MYO18A: variants seen among roughly 807,000 people sequenced by gnomAD.
The protein encoded by MYO18A is unconventional myosin-XVIIIa.
MYO18A carries 78 observed loss-of-function variants against 235.8 expected under a neutral mutation model. The ratio of observed to expected loss-of-function variants is 0.33; its 90% CI spans 0.28 to 0.40. MYO18A has a LOEUF of 0.40. Ranked by LOEUF, MYO18A falls within the 10% of genes least tolerant of loss-of-function variation. The pLI is 1.00. For synonymous variants in MYO18A, 977 were observed against 1,077.8 expected (o/e 0.91, Z 1.83); for missense variants, 2,215 against 2,699.3 (o/e 0.82, Z 3.98).
At chr17:29,114,319 C>A (rs1297810979) in intron 14 of MYO18A, 6 of 537,618 alleles carry the variant, frequency 1.1e-5, no homozygotes, top group African/African-American at 1.9e-5. Context: ...AAGCCAGAGT[C>A]ACATTCTCAT....
chr17:29,125,235 C>T lies in MYO18A; in HGVS notation c.1000-2982G>A, dbSNP rs903934042. Among the ~76,000 whole-genome samples the T allele has an allele frequency of 3.3e-5, 5 of 152,186 alleles. No individual in the cohort carries two copies. Among genetic ancestry groups the T allele is most frequent in the Non-Finnish European group, 5.9e-5 (4 of 68,034 alleles). ...GGCCAAGGGCTGTGTTCAGAGCTGT[C>T]GCCCTGCACCTCTCATAGAACACAG... On this transcript the variant is annotated intron_variant, in intron 2 of 41. Coordinates refer to ENST00000527372, the MANE Select transcript of MYO18A (RefSeq NM_078471.4). The surrounding 1 kb of genome is among the most constrained non-coding windows in gnomAD (Gnocchi z 5.1).
At chr17:29,131,762 G>A (rs778466212) in intron 2 of MYO18A, among the ~76,000 whole-genome samples, 1 of 152,252 alleles carries the variant, frequency 6.6e-6, no homozygotes, top group African/African-American at 2.4e-5. Flanking sequence ...TTACGTGGCA[G>A]ATGGGAAGAT....
chr17:29,083,092 G>A (rs2066159456), intron 40 of MYO18A, among the ~76,000 whole-genome samples: 1 of 139,622 alleles, frequency 7.2e-6, no homozygotes, highest in Non-Finnish European at 1.6e-5. Context: ...GGGGGCGGGG[G>A]GCATCAGCAT....
intron 2 of MYO18A, among the ~76,000 whole-genome samples, chr17:29,156,418 G>T (rs1041220575): frequency 6.6e-6 from 1 of 152,198 alleles, no homozygotes; most frequent in African/African-American, 2.4e-5. Flanking sequence ...CCTGCTCCTG[G>T]ATGCCCACAG....
chr17:29,093,063 A>G, intron 32 of MYO18A, 62 bp from the exon 33 acceptor site: 1 of 1,558,970 alleles, frequency 6.4e-7, no homozygotes, highest in Admixed American at 1.9e-5. Context: ...TATCTTCCCC[A>G]AGCTCCCTCC....
chr17:29,103,493 G>A (rs962175004), intron 21 of MYO18A, 106 bp downstream of exon 21: 26 of 1,130,260 alleles, frequency 2.3e-5, no homozygotes, highest in Middle Eastern at 5.2e-4. Flanking sequence ...AGGGCACCAG[G>A]AGACTGGTGA....
In MYO18A at chr17:29,166,689, A is replaced by C; in HGVS notation, c.252T>G (p.Asp84Glu). 6.2e-7 allele frequency: 1 copy of C among 1,613,720 alleles called. No individual in the cohort carries two copies. The highest frequency in any genetic ancestry group is 8.5e-7 in the Non-Finnish European group (1 of 1,179,850). ...CCAGGATGACGCTGCCCCGGTTACT[A>C]TCGGAGTCAATGTCAGTCAGGTGCA... ...SDLHLTDIDS[D>E]SNRGSVILDS... Residue 84 changes from aspartate to glutamate, a missense_variant, in exon 2 of 42, where the codon GAT (aspartate) becomes GAG (glutamate). Coordinates refer to ENST00000527372, the MANE Select transcript of MYO18A (RefSeq NM_078471.4).
intron 34 of MYO18A, chr17:29,091,403 A>G (rs571212166): frequency 8.1e-4 from 265 of 325,916 alleles, no homozygotes; most frequent in African/African-American, 5.4e-3. Flanking sequence ...TCCTTGGGGG[A>G]GGGGAAGAGA....
chr17:29,089,758 G>A (rs1457038247), intron 37 of MYO18A, among the ~76,000 whole-genome samples: 1 of 152,246 alleles, frequency 6.6e-6, no homozygotes, highest in Non-Finnish European at 1.5e-5. Flanking sequence ...GAAACAGAAT[G>A]TAAAGCAGGC....
rs1285839121 is a variant in MYO18A at position 29,103,602 on chromosome 17, G to A, written c.3504C>T (p.Ser1168=). ...GCCCTCCTGTGGGACAACTCACCCG[G>A]CTCAGGCCCATGCAGCAGCTGCTCT... The part of the protein sequence containing the change: ...LEKSSCCMGL[S]RVFFRAGTLA... Residue 1168 remains serine, a synonymous_variant, in exon 21 of 42, where the codon AGC becomes AGT. Coordinates refer to ENST00000527372, the MANE Select transcript of MYO18A (RefSeq NM_078471.4). 7 of 1,613,760 alleles carry A rather than the reference G, an allele frequency of 4.3e-6. No individual in the cohort carries two copies. The highest frequency in any genetic ancestry group is 1.7e-5 in the Admixed American group (1 of 60,008).
rs961885119 is a variant in MYO18A at position 29,114,849 on chromosome 17, C to T, written c.2511+58G>A. ...TGCCTTCTGCATCCACAGATGCCCT[C>T]GCTGTGGGTGCCAAGGCCAGAATCT... On this transcript the variant is annotated intron_variant, in intron 14 of 41. Transcript: ENST00000527372. 5.8e-6 allele frequency: 9 copies of T among 1,538,924 alleles called. No individual in the cohort carries two copies. The South Asian group carries it at 6.2e-5, about 11-fold the overall frequency.
chr17:29,096,758 C>T lies in MYO18A; in HGVS notation c.4385+3G>A, dbSNP rs2066527777. 3 of 1,595,166 alleles carry T rather than the reference C, an allele frequency of 1.9e-6. No homozygotes were observed. The highest frequency in any genetic ancestry group is 1.7e-6 in the Non-Finnish European group (2 of 1,169,904). ...CTGGGCCCAGGGCAGGGGGCCCACC[C>T]ACCTCCTCTGCTTCTTCTCCAGTTC... On this transcript the variant is annotated splice_donor_region_variant and intron_variant, in intron 28 of 41. Coordinates refer to ENST00000527372, the MANE Select transcript of MYO18A (RefSeq NM_078471.4).
intron 1 of MYO18A, among the ~76,000 whole-genome samples, chr17:29,170,277 C>A (rs1182746178): frequency 6.6e-6 from 1 of 152,198 alleles, no homozygotes; most frequent in Non-Finnish European, 1.5e-5. Flanking sequence ...CCACCATAAT[C>A]TTCACAGCTC....
chr17:29,087,770 G>C (rs2066290849), intron 37 of MYO18A, among the ~76,000 whole-genome samples: 2 of 151,846 alleles, frequency 1.3e-5, no homozygotes, highest in South Asian at 4.1e-4. Context: ...AAAAGAGCCA[G>C]GCTGCAGGAT....
intron 15 of MYO18A, among the ~76,000 whole-genome samples, chr17:29,112,830 C>T (rs1472121900): frequency 6.6e-6 from 1 of 152,190 alleles, no homozygotes; most frequent in Admixed American, 6.5e-5. Context: ...AGGGAGTTGG[C>T]GTGATTACCA....
At chr17:29,119,475 C>A in intron 7 of MYO18A, 40 bp from the exon 8 acceptor site, 1 of 1,512,390 alleles carries the variant, frequency 6.6e-7, no homozygotes, top group Non-Finnish European at 9.0e-7. Flanking sequence ...GAGGGTAGTG[C>A]CAGATCAAGT....
chr17:29,124,429 C>G (rs2067271400), intron 2 of MYO18A, among the ~76,000 whole-genome samples: 1 of 152,242 alleles, frequency 6.6e-6, no homozygotes, highest in South Asian at 2.1e-4. Flanking sequence ...GACACTCGGT[C>G]TAGATGCTCC....
intron 30 of MYO18A, chr17:29,094,443 A>T (rs1598290866): frequency 1.6e-6 from 1 of 623,710 alleles, no homozygotes; most frequent in East Asian, 2.7e-5. Flanking sequence ...GCTCCATCAG[A>T]TTTGTTTTTG....
At position 29,142,877 on chromosome 17, in the gene MYO18A, G is replaced by A. The variant is rs570641600; in HGVS notation, c.1000-20624C>T. Among the ~76,000 whole-genome samples the A allele has an allele frequency of 5.9e-5, 9 of 152,302 alleles. No homozygotes were observed. In the East Asian group the frequency reaches 9.6e-4, roughly 16 times the overall value. ...GGCTGGAGTACAGTGGCTCCATCTC[G>A]GCTCACTGCAACCTCCGCCTCCCAG... On this transcript the variant is annotated intron_variant, in intron 2 of 41. Transcript: ENST00000527372.
Sources: gnomAD v4.1 joint callset for allele counts (sites outside exome capture counted in the v4.1 genomes callset) on GRCh38, gnomAD v4.1.1 for gene constraint, Gnocchi (gnomAD v3.1) non-coding constraint, MANE v1.5 for transcripts, NCBI Gene and HGNC (gene_info 2026-07-23, HGNC 2026-07-21) for gene names.